The following KLHDC4 variants were observed in gnomAD, a reference collection of about 807,000 sequenced individuals.
KLHDC4 encodes kelch domain containing 4, also known as kelch domain-containing protein 4.
Under a neutral mutation model 62.4 loss-of-function variants are expected in KLHDC4, and 90 were observed. The observed-to-expected ratio is 1.44, with a 90% confidence interval of 1.22 to 1.72. The LOEUF is 1.72. Ranked by LOEUF, KLHDC4 falls within the 40% of genes most tolerant of loss-of-function variation. The pLI, the probability that KLHDC4 is intolerant of heterozygous loss-of-function variation, is 0.00. For missense variants in KLHDC4, 1,025 were observed against 699.7 expected (o/e 1.47, Z -5.25); for synonymous variants, 386 against 284.4 (o/e 1.36, Z -3.59).
At chr16:87,715,184 C>T (rs1471760143) in intron 7 of KLHDC4, among the ~76,000 whole-genome samples, 1 of 152,224 alleles carries the variant, frequency 6.6e-6, no homozygotes, top group African/African-American at 2.4e-5. Context: ...AGGGAGATAG[C>T]CAGCAAAACG....
At chr16:87,713,868 C>T (rs763131951) in intron 8 of KLHDC4, among the ~76,000 whole-genome samples, 3 of 152,140 alleles carry the variant, frequency 2.0e-5, no homozygotes, top group African/African-American at 4.8e-5. Flanking sequence ...TCTTAGATCC[C>T]AGTTTAGCTA....
intron 7 of KLHDC4, among the ~76,000 whole-genome samples, chr16:87,726,417 G>C (rs868261152): frequency 0.083 from 2 of 24 alleles, 1 homozygote; most frequent in African/African-American, 0.5. Flanking sequence ...GTCTCCCCAC[G>C]CCGCGCCTCG....
chr16:87,719,683 C>A (rs55645792), intron 7 of KLHDC4, among the ~76,000 whole-genome samples: 29,644 of 147,878 alleles, frequency 0.2, 3,165 homozygotes, highest in African/African-American at 0.29. Flanking sequence ...AAAAAAAAAA[C>A]AAAAAACTGA....
chr16:87,741,556 T>C (rs12599621), intron 5 of KLHDC4, among the ~76,000 whole-genome samples: 7,788 of 152,180 alleles, frequency 0.051, 279 homozygotes, highest in East Asian at 0.15. Context: ...GAAACCGTCA[T>C]CCCTCCCCAC....
intron 1 of KLHDC4, chr16:87,765,481 A>G: frequency 2.0e-6 from 1 of 500,330 alleles, no homozygotes; most frequent in Non-Finnish European, 3.8e-6. Flanking sequence ...CTCCCTTCAG[A>G]GGGAGGGTGG....
At chr16:87,723,962 G>A (rs1432396416) in intron 7 of KLHDC4, among the ~76,000 whole-genome samples, 3 of 152,026 alleles carry the variant, frequency 2.0e-5, no homozygotes, top group East Asian at 3.9e-4. Context: ...TCAGCCTCCC[G>A]AGTAGCTGGG....
At chr16:87,738,531 G>C (rs2041739469) in intron 5 of KLHDC4, among the ~76,000 whole-genome samples, 1 of 151,680 alleles carries the variant, frequency 6.6e-6, no homozygotes, top group African/African-American at 2.4e-5. Flanking sequence ...ACCAAAACGT[G>C]GTCCATCCAC....
exon 1 of KLHDC4, chr16:87,699,760 G>C (rs1246191945): frequency 6.6e-6 from 1 of 152,292 alleles, no homozygotes; most frequent in Admixed American, 6.5e-5. Context: ...TCGCTCCCCT[G>C]TAAGGCCCCA....
chr16:87,725,596 T>A (rs1432131066), intron 7 of KLHDC4, among the ~76,000 whole-genome samples: 1 of 152,216 alleles, frequency 6.6e-6, no homozygotes, highest in Non-Finnish European at 1.5e-5. Context: ...TACAGTGAGA[T>A]ACTACTTCAT....
intron 7 of KLHDC4, among the ~76,000 whole-genome samples, chr16:87,721,694 A>G (rs1301928187): frequency 6.6e-6 from 1 of 152,228 alleles, no homozygotes; most frequent in Non-Finnish European, 1.5e-5. Context: ...CTCAGCTCCC[A>G]AGTGGCAAAT....
chr16:87,727,464 G>T (rs897635788), intron 6 of KLHDC4, among the ~76,000 whole-genome samples: 2 of 152,204 alleles, frequency 1.3e-5, no homozygotes, highest in Non-Finnish European at 2.9e-5. Context: ...GTGGACTGGA[G>T]GGGTGAGCGA....
downstream of KLHDC4, among the ~76,000 whole-genome samples, chr16:87,704,183 G>A (rs1389496058): frequency 2.0e-5 from 3 of 152,240 alleles, no homozygotes; most frequent in Admixed American, 6.5e-5. Flanking sequence ...CGAGTGCCAC[G>A]TCCAGCGCGG....
intron 4 of KLHDC4, among the ~76,000 whole-genome samples, chr16:87,753,208 T>C (rs559946006): frequency 5.5e-4 from 84 of 151,934 alleles, no homozygotes; most frequent in Non-Finnish European, 8.8e-4. Flanking sequence ...TCCCCTGGAG[T>C]CTCTGTACAC....
At chr16:87,763,167 T>G (rs1250519027) in intron 1 of KLHDC4, among the ~76,000 whole-genome samples, 1 of 152,208 alleles carries the variant, frequency 6.6e-6, no homozygotes, top group East Asian at 1.9e-4. Flanking sequence ...GAATAAAGTG[T>G]CACCCACATG....
At chr16:87,756,693 G>A (rs1423354561) in intron 2 of KLHDC4, among the ~76,000 whole-genome samples, 1 of 145,862 alleles carries the variant, frequency 6.9e-6, no homozygotes, top group Non-Finnish European at 1.5e-5. Context: ...CCATGGAGCT[G>A]GACTGACACA....
At position 87,765,225 on chromosome 16, in the gene KLHDC4, G is replaced by A. The variant is rs1466442833; in HGVS notation, c.99+567C>T. 21 of 455,974 alleles carry A rather than the reference G, an allele frequency of 4.6e-5. 1 individual carries two copies. The highest frequency in any genetic ancestry group is 2.9e-4 in the South Asian group (19 of 64,564). The allele number at this position is 455,974 out of a possible 1,614,324, so 28.2% of individuals were successfully genotyped here. On this transcript the variant is annotated intron_variant, in intron 1 of 11. Transcript: ENST00000270583. ...CCCCGGGCTGAGGACCAGAGGGAAG[G>A]AGACAACCGTGATGGCCGCCATCAG...
At chr16:87,722,236 C>A (rs1324198762) in intron 7 of KLHDC4, among the ~76,000 whole-genome samples, 1 of 152,212 alleles carries the variant, frequency 6.6e-6, no homozygotes, top group Non-Finnish European at 1.5e-5. Context: ...AACGTGGTTA[C>A]GATACTGACC....
chr16:87,765,006 C>T, intron 1 of KLHDC4: 1 of 413,090 alleles, frequency 2.4e-6, no homozygotes, highest in Non-Finnish European at 4.9e-6. Context: ...TTCCATACCA[C>T]TTCATGGTTC....
At chr16:87,735,197 G>C (rs1379546932) in intron 5 of KLHDC4, among the ~76,000 whole-genome samples, 8 of 151,948 alleles carry the variant, frequency 5.3e-5, no homozygotes, top group Admixed American at 5.2e-4. Context: ...CTACTCAGGA[G>C]GCTGAGGCAG....
Sources: gnomAD v4.1 joint callset for allele counts (sites outside exome capture counted in the v4.1 genomes callset) on GRCh38, gnomAD v4.1.1 for gene constraint, MANE v1.5 for transcripts, NCBI Gene and HGNC (gene_info 2026-07-23, HGNC 2026-07-21) for gene names.